Variants in ZNF616 observed in about 807,000 individuals in gnomAD.
ZNF616 encodes the protein zinc finger protein 616.
ZNF616 carries 5 observed loss-of-function variants against 7.6 expected under a neutral mutation model. That is an observed-to-expected ratio of 0.66 (90% CI 0.34 to 1.38). The LOEUF (loss-of-function observed/expected upper bound fraction) is 1.38, where lower values mean the gene tolerates loss of function less well. Ranked by LOEUF, ZNF616 falls within the 40% of genes most tolerant of loss-of-function variation. The pLI is 0.04. For missense variants in ZNF616, 913 were observed against 948.3 expected (o/e 0.96, Z 0.49); for synonymous variants, 319 against 317.2 (o/e 1.01, Z -0.06).
At chr19:52,118,599 T>C (rs1472006365) in intron 3 of ZNF616, among the ~76,000 whole-genome samples, 2 of 152,220 alleles carry the variant, frequency 1.3e-5, no homozygotes, top group Admixed American at 6.5e-5. Flanking sequence ...TCTGACATGT[T>C]AGACTTCTCA....
At chr19:52,130,729 A>G (rs897230149) in intron 1 of ZNF616, 141 bp from the exon 2 acceptor site, 2 of 630,692 alleles carry the variant, frequency 3.2e-6, no homozygotes, top group African/African-American at 1.8e-5. Flanking sequence ...ATAAATTCCT[A>G]CACAAAGACC....
Position 52,114,736 on chromosome 19 carries a change from G to C in ZNF616, c.*82C>G. ...CAATACTGGAGATTACAATTCCACA[G>C]GGATTTCAAGAGAAGGGGTAAATAT... On this transcript the variant is annotated 3_prime_UTR_variant, in exon 4 of 4. Transcript: ENST00000600228. 1 of 1,465,596 alleles carries C rather than the reference G, an allele frequency of 6.8e-7. No individual in the cohort carries two copies. Among genetic ancestry groups the C allele is most frequent in the South Asian group, 1.4e-5 (1 of 71,196 alleles). 90.8% of individuals were successfully genotyped at this position (1,465,596 alleles called of 1,614,324 possible).
rs2088788144 is a variant in ZNF616 at position 52,113,429 on chromosome 19, C to T, written c.*1389G>A. The stretch of plus-strand genomic sequence containing the variant: ...GATTTTTCTCCTTTATACGTTCAAT[C>T]AAACTGCAAAGGCGTGGACATTGGT... On this transcript the variant is annotated 3_prime_UTR_variant, in exon 4 of 4. Coordinates refer to ENST00000600228, the MANE Select transcript of ZNF616 (RefSeq NM_178523.5). 1 of 152,208 alleles carries T rather than the reference C, an allele frequency of 6.6e-6. No homozygotes were observed. Among genetic ancestry groups the T allele is most frequent in the Non-Finnish European group, 1.5e-5 (1 of 68,046 alleles). The allele number at this position is 152,208 out of a possible 1,614,324, so 9.4% of individuals were successfully genotyped here. A position where few individuals can be genotyped will look rare whatever the true frequency, so the allele number is the denominator to read the frequency against.
At chr19:52,123,283 T>C (rs551380908) in intron 3 of ZNF616, among the ~76,000 whole-genome samples, 4 of 152,088 alleles carry the variant, frequency 2.6e-5, no homozygotes, top group Non-Finnish European at 5.9e-5. Context: ...TTAAAAAATA[T>C]AAGCTTTGGC....
rs762432542 is a variant in ZNF616, at chr19:52,114,894, C to T, written c.2270G>A (p.Arg757His). 56 of 1,613,416 alleles carry T rather than the reference C, an allele frequency of 3.5e-5. No individual in the cohort carries two copies. The highest frequency in any genetic ancestry group is 1.3e-4 in the East Asian group (6 of 44,878). The change falls in exon 4 of 4, where the codon CGC (arginine) becomes CAC (histidine). Residue 757 changes from arginine to histidine, a missense_variant. Coordinates refer to ENST00000600228, the MANE Select transcript of ZNF616 (RefSeq NM_178523.5). ...TATTCGATGTTTAGTGAGGCCTGAG[C>T]GACAAATAAAAGATTTCCCACACTC... ...CNECGKSFIC[R>H]SGLTKHRIRH...
rs2088830378 is a variant in ZNF616, at chr19:52,116,851, C to A, written c.313G>T (p.Glu105Ter). ...HDLEFQWKDG[E>*]TNDKEVPVPH... ...ACTGGCACTTCTTTATCATTTGTTTCACCATCTTTCCATTGAAATTCAAGG... is the reference window on the plus strand; with the variant it reads ...ACTGGCACTTCTTTATCATTTGTTTAACCATCTTTCCATTGAAATTCAAGG... Residue 105 changes from glutamate (E) to a stop codon, truncating the protein, a stop_gained, in exon 4 of 4, where the codon GAA (glutamate) becomes TAA (stop). Coordinates refer to ENST00000600228, the MANE Select transcript of ZNF616 (RefSeq NM_178523.5). LOFTEE classifies it low-confidence loss of function (END_TRUNC). The A allele has an allele frequency of 6.2e-7, 1 of 1,613,598 alleles. No homozygotes were observed. Among genetic ancestry groups the A allele is most frequent in the Admixed American group, 1.7e-5 (1 of 59,926 alleles).
At chr19:52,117,891 A>T (rs1381904102) in intron 3 of ZNF616, among the ~76,000 whole-genome samples, 2 of 152,144 alleles carry the variant, frequency 1.3e-5, no homozygotes, top group Admixed American at 1.3e-4. Flanking sequence ...AAAAATACTG[A>T]CTATGATTTC....
intron 1 of ZNF616, among the ~76,000 whole-genome samples, chr19:52,138,265 T>G (rs867431691): frequency 1.3e-5 from 2 of 152,238 alleles, no homozygotes; most frequent in South Asian, 2.1e-4. Context: ...ACAAAATGAC[T>G]GAATCAAGTC....
Position 52,129,235 on chromosome 19 carries a change from C to T in ZNF616, c.12+1266G>A, listed in dbSNP as rs558153784. ...CAGAGGTTGCAGTGAGTCGAGATCA[C>T]GCCATTGTAGTCCGGCCTGGGTGAC... On this transcript the variant is annotated intron_variant, in intron 2 of 3. Transcript: ENST00000600228. Among the ~76,000 whole-genome samples the T allele has an allele frequency of 5.3e-5, 8 of 152,158 alleles. No homozygotes were observed. In the East Asian group the frequency reaches 5.8e-4, roughly 11 times the overall value.
intron 2 of ZNF616, among the ~76,000 whole-genome samples, chr19:52,128,019 G>A (rs769335957): frequency 2.6e-5 from 4 of 152,090 alleles, no homozygotes; most frequent in Non-Finnish European, 4.4e-5. Context: ...GAAAGTGACA[G>A]GGAAAAGAAA....
In ZNF616 at chr19:52,130,579, C is replaced by T; in HGVS notation, c.-67G>A. 1 of 1,564,816 alleles carries T rather than the reference C, an allele frequency of 6.4e-7. No homozygotes were observed. Among genetic ancestry groups the T allele is most frequent in the African/African-American group, 1.4e-5 (1 of 72,762 alleles). ...CTTTCTCAGTCAATGTAATTATTCA[C>T]ACATCAAACCTGAAAGTTAAAAAAT... On this transcript the variant is annotated 5_prime_UTR_variant, in exon 2 of 4. In the 5' UTR this introduces an upstream ATG that the reference lacks. Coordinates refer to ENST00000600228, the MANE Select transcript of ZNF616 (RefSeq NM_178523.5).
At chr19:52,131,394 C>G (rs990202606) in intron 1 of ZNF616, among the ~76,000 whole-genome samples, 3 of 151,720 alleles carry the variant, frequency 2.0e-5, no homozygotes, top group African/African-American at 7.3e-5. Context: ...AATGCCTTGG[C>G]ACTCTAGTGT....
rs2088793922 is a variant in ZNF616 at position 52,114,181 on chromosome 19, A to T, written c.*637T>A. The T allele has an allele frequency of 6.6e-6, 1 of 152,070 alleles. No individual in the cohort carries two copies. Among genetic ancestry groups the T allele is most frequent in the Non-Finnish European group, 1.5e-5 (1 of 68,022 alleles). 9.4% of individuals were successfully genotyped at this position (152,070 alleles called of 1,614,324 possible). On this transcript the variant is annotated 3_prime_UTR_variant, in exon 4 of 4. Coordinates refer to ENST00000600228, the MANE Select transcript of ZNF616 (RefSeq NM_178523.5). ...CATTTCATACATCTATGCCCTTTTAATTACCTAGATTTACAAGTTCTGGCT... is the reference window on the plus strand; with the variant it reads ...CATTTCATACATCTATGCCCTTTTATTTACCTAGATTTACAAGTTCTGGCT...
At chr19:52,127,235 A>C (rs2088917204) in intron 2 of ZNF616, among the ~76,000 whole-genome samples, 1 of 152,162 alleles carries the variant, frequency 6.6e-6, no homozygotes, top group Non-Finnish European at 1.5e-5. Context: ...TTGTATTTTC[A>C]GTAGAGACAG....
chr19:52,135,626 C>T (rs1349164178), intron 1 of ZNF616, among the ~76,000 whole-genome samples: 2 of 152,172 alleles, frequency 1.3e-5, no homozygotes, highest in African/African-American at 2.4e-5. Context: ...CCACTCTCCC[C>T]GTGGGCTCAG....
chr19:52,120,769 ATTATAG>A (rs2088859190), intron 3 of ZNF616, among the ~76,000 whole-genome samples: 1 of 152,250 alleles, frequency 6.6e-6, no homozygotes, highest in Non-Finnish European at 1.5e-5. Flanking sequence ...AGATATACCA[ATTATAG>A]TTATATATGC....
At chr19:52,124,998 A>G (rs2088893674) in intron 2 of ZNF616, among the ~76,000 whole-genome samples, 1 of 152,214 alleles carries the variant, frequency 6.6e-6, no homozygotes, top group Non-Finnish European at 1.5e-5. Flanking sequence ...TGATAAGGGC[A>G]GACCCCTCAG....
intron 2 of ZNF616, among the ~76,000 whole-genome samples, chr19:52,126,307 C>G (rs573478096): frequency 6.6e-6 from 1 of 152,300 alleles, no homozygotes; most frequent in Admixed American, 6.5e-5. Context: ...GCAGGAAGAT[C>G]ACTTCAGAGC....
rs1415497044 is a variant in ZNF616 at position 52,115,902 on chromosome 19, C to G, written c.1262G>C (p.Arg421Pro). ...TCTCTGATGCACTGCAAGACTTGAA[C>G]GTTTACTGAAGACCTTGCCACATTC... ...CNECGKVFSK[R>P]SSLAVHQRIH... The change falls in exon 4 of 4, where the codon CGT (arginine) becomes CCT (proline). Residue 421 changes from arginine to proline, a missense_variant. Arg to Pro is a moderately radical substitution (Grantham distance 103). Transcript: ENST00000600228. The G allele has an allele frequency of 6.2e-7, 1 of 1,613,008 alleles. No individual in the cohort carries two copies. The highest frequency in any genetic ancestry group is 1.3e-5 in the African/African-American group (1 of 74,586).
Sources: gnomAD v4.1 joint callset for allele counts (sites outside exome capture counted in the v4.1 genomes callset) on GRCh38, gnomAD v4.1.1 for gene constraint, MANE v1.5 for transcripts, NCBI Gene and HGNC (gene_info 2026-07-23, HGNC 2026-07-21) for gene names.